KAZN: variants seen among roughly 807,000 people sequenced by gnomAD.
KAZN encodes kazrin, periplakin interacting protein, also known as kazrin.
A neutral mutation model predicts 87.4 loss-of-function variants in KAZN; 40 were observed. That is an observed-to-expected ratio of 0.46 (90% confidence interval 0.36 to 0.60). KAZN has a LOEUF of 0.60. Ranked by LOEUF, KAZN falls within the 20% of genes least tolerant of loss-of-function variation. KAZN has a pLI of 0.00. For missense variants in KAZN, 898 were observed against 1,073.9 expected (o/e 0.84, Z 2.29); for synonymous variants, 466 against 458.3 (o/e 1.02, Z -0.22).
intron 1 of KAZN, among the ~76,000 whole-genome samples, chr1:14,055,998 C>T (rs1642538814): frequency 1.3e-5 from 2 of 152,156 alleles, no homozygotes; most frequent in African/African-American, 4.8e-5. Flanking sequence ...CCTCTTATCA[C>T]CACCTTAATC....
At chr1:14,053,566 A>C (rs1642427909) in intron 1 of KAZN, among the ~76,000 whole-genome samples, 1 of 152,176 alleles carries the variant, frequency 6.6e-6, no homozygotes. Flanking sequence ...ACACTTATTG[A>C]AATGGGGATC....
At chr1:14,479,416 A>T (rs1443535716) in intron 2 of KAZN, among the ~76,000 whole-genome samples, 1 of 152,188 alleles carries the variant, frequency 6.6e-6, no homozygotes, top group Non-Finnish European at 1.5e-5. Flanking sequence ...CAACTTTCTT[A>T]ATAGCATTCA....
chr1:14,661,059 C>G (rs772269813), intron 1 of KAZN, among the ~76,000 whole-genome samples: 3 of 152,102 alleles, frequency 2.0e-5, no homozygotes, highest in Admixed American at 1.3e-4. Flanking sequence ...GACTCTGTGC[C>G]GAGCCCTGTA....
chr1:13,954,226 A>AAACC (rs1289883268), intron 1 of KAZN, among the ~76,000 whole-genome samples: 3 of 152,322 alleles, frequency 2.0e-5, no homozygotes, highest in East Asian at 3.9e-4. Context: ...AACAAAAATA[A>AAACC]AACCAACCAA....
chr1:14,316,457 A>T (rs12080694), intron 2 of KAZN, among the ~76,000 whole-genome samples: 183 of 151,936 alleles, frequency 1.2e-3, no homozygotes, highest in African/African-American at 4.3e-3. Context: ...TCCCTTTGTT[A>T]CTTGATCAAC....
chr1:14,336,500 G>A (rs1657282842), intron 2 of KAZN, among the ~76,000 whole-genome samples: 1 of 152,186 alleles, frequency 6.6e-6, no homozygotes, highest in Non-Finnish European at 1.5e-5. Flanking sequence ...TGTGTCATAT[G>A]CTAATTCTAT....
exon 1 of KAZN, chr1:13,893,643 A>G: frequency 1.3e-6 from 2 of 1,550,076 alleles, no homozygotes; most frequent in South Asian, 1.2e-5. Flanking sequence ...CACATGACCA[A>G]CACCAAAGAC....
In KAZN at chr1:14,293,985, A is replaced by C. The variant is rs529143080; in HGVS notation, c.249+113393A>C. On this transcript the variant is annotated intron_variant, in intron 2 of 16. Transcript: ENST00000636203. ...ACCCCATGCATACTCACTCTGCCTG[A>C]TAGGGCTCTCAGTGCATTACATGAA... Among the ~76,000 whole-genome samples the C allele has an allele frequency of 5.3e-4, 80 of 152,294 alleles. 1 individual carries two copies. Among genetic ancestry groups the C allele is most frequent in the African/African-American group, 1.9e-3 (78 of 41,566 alleles).
chr1:14,746,080 T>C (rs1308599910), intron 1 of KAZN, among the ~76,000 whole-genome samples: 1 of 152,206 alleles, frequency 6.6e-6, no homozygotes. Context: ...GGTTGGGTTT[T>C]TAAATGCCAT....
chr1:14,984,472 GGAA>G, intron 2 of KAZN, among the ~76,000 whole-genome samples: 1 of 152,322 alleles, frequency 6.6e-6, no homozygotes, highest in East Asian at 1.9e-4. Flanking sequence ...CTTCTCATAT[GGAA>G]TGGGGGAAGG....
upstream of KAZN, among the ~76,000 whole-genome samples, chr1:14,598,194 G>A (rs369300691): frequency 3.9e-5 from 6 of 152,278 alleles, no homozygotes; most frequent in African/African-American, 1.4e-4. This position sits in a 1 kb window ranked among gnomAD's most constrained non-coding sequence, Gnocchi z 4.2. Flanking sequence ...CTGCGGGTGG[G>A]GGGTGGAGAG....
chr1:14,112,444 A>AG lies in KAZN; in HGVS notation c.92-67990dup, dbSNP rs1213021008. On this transcript the variant is annotated intron_variant, in intron 1 of 16. Transcript: ENST00000636203. ...TCTTTGGCCACTGTGGGTTGTCAAC[A>AG]GTCTTGATTCCAAGAAGTGATGTCC... is the stretch of plus-strand genomic sequence containing the variant. Among the ~76,000 whole-genome samples the AG allele has an allele frequency of 9.0e-5, 7 of 77,816 alleles. 1 individual carries two copies. Among genetic ancestry groups the AG allele is most frequent in the South Asian group, 4.4e-4 (1 of 2,294 alleles). 51.1% of individuals were successfully genotyped at this position (77,816 alleles called of 152,430 possible). A position where few individuals can be genotyped will look rare whatever the true frequency, so the allele number is the denominator to read the frequency against.
At chr1:14,299,482 G>A (rs1475167602) in intron 2 of KAZN, among the ~76,000 whole-genome samples, 5 of 152,114 alleles carry the variant, frequency 3.3e-5, no homozygotes, top group East Asian at 1.9e-4. Flanking sequence ...CAGACTGGGC[G>A]ACAGAGCAAG....
chr1:14,869,836 G>A (rs1236455838), intron 1 of KAZN, among the ~76,000 whole-genome samples: 1 of 152,214 alleles, frequency 6.6e-6, no homozygotes, highest in Non-Finnish European at 1.5e-5. Flanking sequence ...GCACAGACCT[G>A]CTGGAAAAAT....
At chr1:14,165,606 A>G (rs1395785558) in intron 1 of KAZN, among the ~76,000 whole-genome samples, 1 of 152,142 alleles carries the variant, frequency 6.6e-6, no homozygotes, top group Non-Finnish European at 1.5e-5. Context: ...GCTGCCTCCA[A>G]AGCAAAGGAA....
chr1:14,368,841 G>C (rs77654602), intron 2 of KAZN, among the ~76,000 whole-genome samples: 1 of 152,202 alleles, frequency 6.6e-6, no homozygotes, highest in African/African-American at 2.4e-5. Context: ...TTAAGGGATG[G>C]CCAGGTAGAG....
At chr1:14,939,771 A>C (rs1660848976) in intron 1 of KAZN, among the ~76,000 whole-genome samples, 1 of 152,186 alleles carries the variant, frequency 6.6e-6, no homozygotes. Flanking sequence ...CTCAGGGTCC[A>C]GGCACTGTGC....
chr1:14,351,042 A>G (rs1303918087), intron 2 of KAZN: 2 of 152,178 alleles, frequency 1.3e-5, no homozygotes, highest in Non-Finnish European at 2.9e-5. Flanking sequence ...AAAAGAGAAG[A>G]GCACAAGCCA....
intron 1 of KAZN, among the ~76,000 whole-genome samples, chr1:14,104,445 G>C (rs1226514212): frequency 1.3e-5 from 2 of 152,292 alleles, no homozygotes; most frequent in African/African-American, 2.4e-5. Flanking sequence ...ATCTTGTTTA[G>C]ATAAGGTGTT....
Sources: gnomAD v4.1 joint callset for allele counts (sites outside exome capture counted in the v4.1 genomes callset) on GRCh38, gnomAD v4.1.1 for gene constraint, Gnocchi (gnomAD v3.1) non-coding constraint, MANE v1.5 for transcripts, NCBI Gene and HGNC (gene_info 2026-07-23, HGNC 2026-07-21) for gene names.